The following PDCD10 variants were observed in gnomAD, a reference collection of about 807,000 sequenced individuals.
PDCD10 encodes the protein programmed cell death 10, also known as programmed cell death protein 10.
Under a neutral mutation model 29.2 loss-of-function variants are expected in PDCD10, and 4 were observed. The ratio of observed to expected loss-of-function variants is 0.14; its 90% CI spans 0.07 to 0.31. The LOEUF is 0.31. Among genes scored for constraint, PDCD10 ranks in the 10% least tolerant of loss-of-function variants. The pLI is 1.00. For synonymous variants in PDCD10, 70 were observed against 82.2 expected, an observed-to-expected ratio of 0.85 and a Z score of 0.80; for missense variants, 183 against 257.9, an observed-to-expected ratio of 0.71 and a Z score of 1.99.
At chr3:167,724,739 C>A (rs1396364503) in intron 2 of PDCD10, among the ~76,000 whole-genome samples, 6 of 152,196 alleles carry the variant, frequency 3.9e-5, no homozygotes, top group Non-Finnish European at 7.3e-5. Flanking sequence ...CACATTATCA[C>A]TGGAACCAAA....
chr3:167,695,463 T>C, intron 6 of PDCD10, 133 bp downstream of exon 6: 1 of 780,594 alleles, frequency 1.3e-6, no homozygotes, highest in South Asian at 1.5e-5. Context: ...TAATAAAATG[T>C]GGTATTTAAA....
intron 2 of PDCD10, among the ~76,000 whole-genome samples, chr3:167,721,463 G>A (rs1723553121): frequency 2.6e-5 from 4 of 152,160 alleles, no homozygotes. Flanking sequence ...AACATGTTCA[G>A]AGTATGTTTA....
chr3:167,686,447 G>T (rs1238052564), intron 8 of PDCD10, among the ~76,000 whole-genome samples: 1 of 152,110 alleles, frequency 6.6e-6, no homozygotes, highest in Non-Finnish European at 1.5e-5. Context: ...TCTAAACCCT[G>T]ACTCCACTCC....
At chr3:167,706,322 T>C (rs944372619) in intron 3 of PDCD10, among the ~76,000 whole-genome samples, 10 of 152,238 alleles carry the variant, frequency 6.6e-5, no homozygotes, top group Admixed American at 3.3e-4. Flanking sequence ...AGATACACTG[T>C]AGTCATGCAT....
At chr3:167,727,284 T>C (rs945629453) in intron 2 of PDCD10, among the ~76,000 whole-genome samples, 1 of 152,212 alleles carries the variant, frequency 6.6e-6, no homozygotes, top group Admixed American at 6.5e-5. Context: ...AACAAAATAG[T>C]AACAATTGGC....
chr3:167,711,571 G>A (rs1170489802), intron 3 of PDCD10, among the ~76,000 whole-genome samples: 1 of 152,140 alleles, frequency 6.6e-6, no homozygotes, highest in Non-Finnish European at 1.5e-5. Flanking sequence ...TAAAGAGGAG[G>A]TAGAAAAAGA....
chr3:167,714,183 AT>A (rs1722785614), intron 3 of PDCD10, among the ~76,000 whole-genome samples: 1 of 152,100 alleles, frequency 6.6e-6, no homozygotes, highest in African/African-American at 2.4e-5. Context: ...TAGAAAGATC[AT>A]TCATAATAAC....
chr3:167,701,719 G>A (rs1721459522), intron 4 of PDCD10, among the ~76,000 whole-genome samples: 1 of 152,140 alleles, frequency 6.6e-6, no homozygotes, highest in Non-Finnish European at 1.5e-5. Flanking sequence ...ATCCTTGGTA[G>A]AAAGAATACC....
At chr3:167,707,229 C>T (rs1722064094) in intron 3 of PDCD10, among the ~76,000 whole-genome samples, 1 of 152,152 alleles carries the variant, frequency 6.6e-6, no homozygotes. Context: ...GGGAGTTCTC[C>T]CACTTAGAAG....
At chr3:167,711,665 A>G (rs943372824) in intron 3 of PDCD10, among the ~76,000 whole-genome samples, 2 of 152,224 alleles carry the variant, frequency 1.3e-5, no homozygotes, top group African/African-American at 4.8e-5. Flanking sequence ...TAAGTACAAG[A>G]AGGTTATAGA....
chr3:167,693,685 G>C (rs753876578), intron 6 of PDCD10, among the ~76,000 whole-genome samples: 1 of 152,064 alleles, frequency 6.6e-6, no homozygotes, highest in Non-Finnish European at 1.5e-5. Flanking sequence ...GCTCACTCCT[G>C]TAATCCCAAC....
chr3:167,694,499 T>C (rs752443579), intron 6 of PDCD10: 1 of 154,378 alleles, frequency 6.5e-6, no homozygotes. Context: ...CTTTTTTGCC[T>C]GAAGATTTAT....
intron 2 of PDCD10, among the ~76,000 whole-genome samples, chr3:167,728,481 A>G (rs1326368565): frequency 6.6e-6 from 1 of 152,170 alleles, no homozygotes; most frequent in East Asian, 1.9e-4. Flanking sequence ...GAAGTAAGAG[A>G]GAATGACTGA....
chr3:167,710,402 G>A (rs1005048041), intron 3 of PDCD10, among the ~76,000 whole-genome samples: 1 of 152,086 alleles, frequency 6.6e-6, no homozygotes, highest in African/African-American at 2.4e-5. Context: ...GGTTTTAAGT[G>A]AACATCAACC....
chr3:167,713,272 A>G (rs1722701628), intron 3 of PDCD10, among the ~76,000 whole-genome samples: 1 of 152,074 alleles, frequency 6.6e-6, no homozygotes, highest in Non-Finnish European at 1.5e-5. Context: ...AGAAACCAGT[A>G]ACAAGAGAAA....
chr3:167,718,256 C>G (rs2108478126), intron 3 of PDCD10, among the ~76,000 whole-genome samples: 1 of 152,176 alleles, frequency 6.6e-6, no homozygotes, highest in East Asian at 1.9e-4. Flanking sequence ...TAAGAACATG[C>G]ATGCAGCCTT....
chr3:167,704,434 C>T, intron 4 of PDCD10: 1 of 169,330 alleles, frequency 5.9e-6, no homozygotes, highest in Non-Finnish European at 1.3e-5. Flanking sequence ...TGCTATACGG[C>T]CCAGGCTGGT....
chr3:167,709,496 A>G (rs1171763324), intron 3 of PDCD10, among the ~76,000 whole-genome samples: 2 of 152,126 alleles, frequency 1.3e-5, no homozygotes, highest in African/African-American at 4.8e-5. Flanking sequence ...GTGGAGAGCA[A>G]AAGTGTGCTG....
chr3:167,700,946 A>G (rs1247694164), intron 4 of PDCD10, among the ~76,000 whole-genome samples: 1 of 152,208 alleles, frequency 6.6e-6, no homozygotes, highest in Non-Finnish European at 1.5e-5. Context: ...TTTATTAGTA[A>G]AGCAGAGAAG....
Sources: allele counts gnomAD v4.1 joint callset (sites outside exome capture counted in the v4.1 genomes callset), GRCh38; gene constraint gnomAD v4.1.1; transcripts MANE v1.5; gene names NCBI Gene and HGNC (gene_info 2026-07-23, HGNC 2026-07-21).